Variants in MAF observed in about 807,000 individuals in gnomAD.
MAF encodes transcription factor Maf.
A neutral mutation model predicts 22.0 loss-of-function variants in MAF; 10 were observed. The observed-to-expected ratio is 0.45, with a 90% CI of 0.28 to 0.77. The LOEUF (loss-of-function observed/expected upper bound fraction) is 0.77, where lower values mean the gene tolerates loss of function less well. Ranked by LOEUF, MAF falls within the 30% of genes least tolerant of loss-of-function variation. MAF has a pLI of 0.12. For missense variants in MAF, 544 were observed against 548.4 expected (o/e 0.99, Z 0.08); for synonymous variants, 337 against 255.8 (o/e 1.32, Z -3.03).
chr16:79,597,459 C>A (rs978492039), intron 1 of MAF: 2 of 1,027,436 alleles, frequency 1.9e-6, no homozygotes, highest in South Asian at 9.2e-5. Flanking sequence ...CAATTTTAGT[C>A]CCCAAAGTGG....
chr16:79,544,932 A>G, the MAF span, among the ~76,000 whole-genome samples: 39 of 152,280 alleles, frequency 2.6e-4, 1 homozygote, highest in African/African-American at 8.7e-4. Flanking sequence ...CTTAGACAGG[A>G]CTTTCATGTT....
At chr16:79,488,761 C>T in the MAF span, among the ~76,000 whole-genome samples, 3 of 152,134 alleles carry the variant, frequency 2.0e-5, no homozygotes, top group East Asian at 3.9e-4. Flanking sequence ...GAATGCAGTG[C>T]ACAAAGCAGC....
the MAF span, among the ~76,000 whole-genome samples, chr16:79,304,190 T>C: frequency 6.6e-6 from 1 of 152,198 alleles, no homozygotes; most frequent in African/African-American, 2.4e-5. Flanking sequence ...AGCAATCCAT[T>C]TGGTTGTGAC....
At chr16:79,209,956 G>C in the MAF span, among the ~76,000 whole-genome samples, 456 of 152,324 alleles carry the variant, frequency 3.0e-3, 4 homozygotes, top group Admixed American at 0.023. Context: ...CTGAATCCAG[G>C]ATAATATCTG....
the MAF span, among the ~76,000 whole-genome samples, chr16:79,534,052 T>C: frequency 6.6e-6 from 1 of 152,160 alleles, no homozygotes; most frequent in Non-Finnish European, 1.5e-5. Context: ...CCTTTGACTC[T>C]GCTTATATTG....
chr16:79,528,200 C>T, the MAF span, among the ~76,000 whole-genome samples: 1 of 152,160 alleles, frequency 6.6e-6, no homozygotes. Context: ...ATCTCATATT[C>T]CAAGAGCTTC....
At chr16:79,491,562 A>C in the MAF span, among the ~76,000 whole-genome samples, 11 of 152,180 alleles carry the variant, frequency 7.2e-5, no homozygotes, top group African/African-American at 2.4e-4. Context: ...CTTGGTTTCT[A>C]AGTCCTGGTA....
At chr16:79,319,185 G>C in the MAF span, among the ~76,000 whole-genome samples, 1 of 152,164 alleles carries the variant, frequency 6.6e-6, no homozygotes. Context: ...ACTTTGGGGA[G>C]GTGGGGGGAG....
chr16:79,300,688 A>ATTTCTTTTTTTT, the MAF span, among the ~76,000 whole-genome samples: 1 of 143,680 alleles, frequency 7.0e-6, no homozygotes, highest in Non-Finnish European at 1.5e-5. Flanking sequence ...AAAACAACCC[A>ATTTCTTTTTTTT]TTTCTTTTTT....
the MAF span, among the ~76,000 whole-genome samples, chr16:79,250,521 C>A: frequency 6.6e-6 from 1 of 152,160 alleles, no homozygotes; most frequent in Non-Finnish European, 1.5e-5. Context: ...GCAATGACTT[C>A]CATTATATGG....
chr16:79,476,828 CTG>C, the MAF span, among the ~76,000 whole-genome samples: 1 of 152,230 alleles, frequency 6.6e-6, no homozygotes. Context: ...CCTGTCATCT[CTG>C]TGCCTTGGTG....
the MAF span, among the ~76,000 whole-genome samples, chr16:79,333,631 T>G: frequency 6.6e-6 from 1 of 152,244 alleles, no homozygotes; most frequent in African/African-American, 2.4e-5. Flanking sequence ...GGAATCTTTA[T>G]GCGTAATGAT....
intron 1 of MAF, chr16:79,596,276 C>CA: frequency 9.4e-7 from 1 of 1,059,842 alleles, no homozygotes; most frequent in Non-Finnish European, 1.1e-6. Context: ...AAAATGAGGT[C>CA]ATAATTTACA....
the MAF span, among the ~76,000 whole-genome samples, chr16:79,527,066 T>C: frequency 6.6e-6 from 1 of 152,202 alleles, no homozygotes; most frequent in Non-Finnish European, 1.5e-5. Flanking sequence ...AACACACCAG[T>C]GCTGTGGGGG....
chr16:79,393,844 G>A, the MAF span, among the ~76,000 whole-genome samples: 4 of 152,152 alleles, frequency 2.6e-5, no homozygotes, highest in Non-Finnish European at 5.9e-5. Context: ...GAACCTCTGA[G>A]GATGCAAAAG....
chr16:79,298,438 C>T, the MAF span, among the ~76,000 whole-genome samples: 1 of 152,212 alleles, frequency 6.6e-6, no homozygotes, highest in Admixed American at 6.5e-5. Flanking sequence ...CCTGCAAGCT[C>T]CCTTGGCCAA....
the MAF span, among the ~76,000 whole-genome samples, chr16:79,444,305 A>T: frequency 6.6e-6 from 1 of 152,140 alleles, no homozygotes; most frequent in Admixed American, 6.6e-5. Context: ...TTTCTTCTTT[A>T]TGCTTTCAGT....
chr16:79,220,612 T>A, the MAF span, among the ~76,000 whole-genome samples: 1 of 152,198 alleles, frequency 6.6e-6, no homozygotes, highest in African/African-American at 2.4e-5. Flanking sequence ...ACCACCACCA[T>A]GTTTCATTAA....
At chr16:79,282,042 C>T in the MAF span, among the ~76,000 whole-genome samples, 1 of 152,106 alleles carries the variant, frequency 6.6e-6, no homozygotes, top group African/African-American at 2.4e-5. Flanking sequence ...GTGGCTCATG[C>T]CTGTAATACC....
Sources: gnomAD v4.1 joint callset for allele counts (sites outside exome capture counted in the v4.1 genomes callset) on GRCh38, gnomAD v4.1.1 for gene constraint, MANE v1.5 for transcripts, NCBI Gene and HGNC (gene_info 2026-07-23, HGNC 2026-07-21) for gene names.